Variants in LMLN observed in about 807,000 individuals in gnomAD.
LMLN encodes leishmanolysin-like peptidase.
LMLN carries 70 observed loss-of-function variants against 92.3 expected under a neutral mutation model. The observed-to-expected ratio is 0.76, with a 90% confidence interval of 0.63 to 0.92. The LOEUF is 0.92. Among genes scored for constraint, LMLN ranks in the 40% least tolerant of loss-of-function variants. The pLI is 0.00. For synonymous variants in LMLN, 308 were observed against 296.2 expected, an observed-to-expected ratio of 1.04 and a Z score of -0.41; for missense variants, 691 against 814.6, an observed-to-expected ratio of 0.85 and a Z score of 1.85.
chr3:197,989,033 A>T (rs1721792430), intron 8 of LMLN, among the ~76,000 whole-genome samples: 1 of 152,126 alleles, frequency 6.6e-6, no homozygotes, highest in Non-Finnish European at 1.5e-5. Context: ...TGTGTTATTT[A>T]GTCTAAACTA....
chr3:198,024,824 T>G, intron 14 of LMLN, 36 bp downstream of exon 15: 1 of 1,534,826 alleles, frequency 6.5e-7, no homozygotes, highest in African/African-American at 1.4e-5. Context: ...TGCCAAATAT[T>G]ATGTGATTTT....
chr3:198,038,538 G>T, intron 15 of LMLN, 29 bp from the exon 17 acceptor site: 1 of 1,496,976 alleles, frequency 6.7e-7, no homozygotes, highest in South Asian at 1.1e-5. Flanking sequence ...ATTGTTTATA[G>T]AAAGTCAGTT....
exon 16 of LMLN, chr3:198,039,061 C>T (rs1723324477): frequency 5.3e-6 from 1 of 190,176 alleles, no homozygotes; most frequent in South Asian, 9.6e-5. Flanking sequence ...GCAACCCAAC[C>T]ACTTTCATCA....
chr3:197,961,018 C>G (rs532536556), intron 1 of LMLN, among the ~76,000 whole-genome samples: 4 of 152,260 alleles, frequency 2.6e-5, no homozygotes, highest in African/African-American at 9.6e-5. Flanking sequence ...GCCTGCCCGC[C>G]TCCCATCCCA....
At position 198,038,922 on chromosome 3, in the gene LMLN, TCG is replaced by T. The variant is rs1560160636; in HGVS notation, c.*256_*257del. The stretch of plus-strand genomic sequence containing the variant: ...CCACCTCGTCAGCAACCCAACCACC[TCG>T]TCAGCAACCCAACCACCTCGTCAGC... On this transcript the variant is annotated 3_prime_UTR_variant, in exon 16 of 16. Coordinates refer to ENST00000330198, the Ensembl canonical transcript of LMLN. 2.4e-4 allele frequency: 80 copies of T among 336,742 alleles called. No individual in the cohort carries two copies. The East Asian group carries it at 3.6e-3, about 15-fold the overall frequency. 20.9% of individuals were successfully genotyped at this position (336,742 alleles called of 1,614,324 possible).
chr3:198,005,285 A>C (rs185162462), intron 11 of LMLN, among the ~76,000 whole-genome samples: 2,893 of 144,550 alleles, frequency 0.02, 71 homozygotes, highest in Middle Eastern at 0.028. Context: ...AGTAAGTTTG[A>C]CATCTATCTA....
Position 198,038,478 on chromosome 3 carries a change from A to G in LMLN, c.1868-89A>G, listed in dbSNP as rs1354661095. 7.5e-6 allele frequency: 7 copies of G among 938,654 alleles called. No homozygotes were observed. The East Asian group carries it at 1.7e-4, about 23-fold the overall frequency. 58.1% of individuals were successfully genotyped at this position (938,654 alleles called of 1,614,324 possible). A position where few individuals can be genotyped will look rare whatever the true frequency, so the allele number is the denominator to read the frequency against. Reference sequence around the variant, plus strand: ...AGGTGGTCCTTGTTTACTTTTTAATAATCACTGCTCTTCATCTGTCAATAT... The same window carrying G: ...AGGTGGTCCTTGTTTACTTTTTAATGATCACTGCTCTTCATCTGTCAATAT... On this transcript the variant is annotated intron_variant, in intron 15 of 15. Coordinates refer to ENST00000330198, the Ensembl canonical transcript of LMLN.
intron 11 of LMLN, among the ~76,000 whole-genome samples, chr3:198,009,003 A>G (rs1722365734): frequency 2.0e-5 from 3 of 152,146 alleles, no homozygotes; most frequent in African/African-American, 7.2e-5. Flanking sequence ...AGAGCAGAAC[A>G]TGGTATGATT....
At chr3:197,998,824 A>G (rs1722096219) in intron 10 of LMLN, among the ~76,000 whole-genome samples, 1 of 152,190 alleles carries the variant, frequency 6.6e-6, no homozygotes. Context: ...CTTGTTTTGC[A>G]TGTTACACAT....
intron 1 of LMLN, among the ~76,000 whole-genome samples, chr3:197,968,578 A>C (rs564162516): frequency 1.3e-5 from 2 of 151,894 alleles, no homozygotes; most frequent in Non-Finnish European, 2.9e-5. Flanking sequence ...TAAAAGTATT[A>C]ATTTTGGGAA....
chr3:198,002,631 G>A (rs1722206074), intron 11 of LMLN, among the ~76,000 whole-genome samples: 1 of 152,176 alleles, frequency 6.6e-6, no homozygotes, highest in South Asian at 2.1e-4. Flanking sequence ...CCAGCTAGTT[G>A]GGAGGCTGAG....
intron 11 of LMLN, among the ~76,000 whole-genome samples, chr3:198,013,274 C>T (rs1722505342): frequency 2.0e-5 from 2 of 97,998 alleles, no homozygotes; most frequent in Non-Finnish European, 3.7e-5. Context: ...TCTGACTTCT[C>T]TGTACCCTTC....
At chr3:198,008,676 A>G (rs1157141579) in intron 11 of LMLN, among the ~76,000 whole-genome samples, 3 of 152,248 alleles carry the variant, frequency 2.0e-5, no homozygotes, top group Non-Finnish European at 4.4e-5. Context: ...GCAGTGAGCT[A>G]TGACTGCACC....
chr3:198,028,786 G>A (rs889110854), intron 14 of LMLN, among the ~76,000 whole-genome samples: 8 of 152,310 alleles, frequency 5.3e-5, no homozygotes, highest in East Asian at 3.9e-4. Flanking sequence ...TTCTCCCTTC[G>A]GAGGGAAGTA....
chr3:198,018,687 A>G (rs184328416), intron 11 of LMLN, among the ~76,000 whole-genome samples: 68 of 152,338 alleles, frequency 4.5e-4, no homozygotes, highest in African/African-American at 1.6e-3. Context: ...AAGAAGAGGA[A>G]AATTGTCAAT....
intron 9 of LMLN, among the ~76,000 whole-genome samples, chr3:197,991,677 A>G (rs1462507750): frequency 6.6e-6 from 1 of 152,110 alleles, no homozygotes; most frequent in Non-Finnish European, 1.5e-5. Context: ...CTTCACAGAA[A>G]CATCCAGAAT....
exon 16 of LMLN, chr3:198,038,647 C>T (rs1378293660): frequency 2.5e-6 from 4 of 1,613,044 alleles, no homozygotes; most frequent in Non-Finnish European, 3.4e-6. Flanking sequence ...GGCTGGATTT[C>T]TTCTGTGTAT....
chr3:198,002,911 T>C (rs973320937), intron 11 of LMLN, 104 bp from the exon 12 acceptor site: 4 of 646,468 alleles, frequency 6.2e-6, no homozygotes, highest in African/African-American at 5.5e-5. Flanking sequence ...CCAAAATCTT[T>C]CTTAAGGTCC....
At chr3:197,986,798 T>C (rs1721719477) in intron 8 of LMLN, among the ~76,000 whole-genome samples, 1 of 152,074 alleles carries the variant, frequency 6.6e-6, no homozygotes, top group Admixed American at 6.6e-5. Context: ...TAAGGGTGTT[T>C]AGTAAACAAT....
Sources: allele counts gnomAD v4.1 joint callset (sites outside exome capture counted in the v4.1 genomes callset), GRCh38; gene constraint gnomAD v4.1.1; transcripts MANE v1.5; gene names NCBI Gene and HGNC (gene_info 2026-07-23, HGNC 2026-07-21).